Variants in CNTNAP2 observed in about 807,000 individuals in gnomAD.
CNTNAP2 encodes the protein contactin associated protein 2, also known as contactin-associated protein-like 2.
Under a neutral mutation model 155.2 loss-of-function variants are expected in CNTNAP2, and 98 were observed. That is an observed-to-expected ratio of 0.63 (90% CI 0.54 to 0.75). The LOEUF is 0.75. Ranked by LOEUF, CNTNAP2 falls within the 30% of genes least tolerant of loss-of-function variation. CNTNAP2 has a pLI of 0.00. For missense variants in CNTNAP2, 1,727 were observed against 1,688.1 expected (o/e 1.02, Z -0.40); for synonymous variants, 651 against 631.2 (o/e 1.03, Z -0.47).
chr7:147,555,654 C>T (rs1381377599), intron 11 of CNTNAP2, among the ~76,000 whole-genome samples: 1 of 152,176 alleles, frequency 6.6e-6, no homozygotes, highest in Non-Finnish European at 1.5e-5. Context: ...CAAAGATAAC[C>T]TTTATGTATG....
intron 1 of CNTNAP2, among the ~76,000 whole-genome samples, chr7:146,600,346 T>A (rs1798931149): frequency 2.0e-5 from 3 of 152,188 alleles, no homozygotes; most frequent in African/African-American, 7.2e-5. Context: ...ATCTTATTTT[T>A]GTTCTCATTA....
At chr7:147,252,905 G>T (rs932659971) in intron 8 of CNTNAP2, among the ~76,000 whole-genome samples, 1 of 152,172 alleles carries the variant, frequency 6.6e-6, no homozygotes. Flanking sequence ...CAACAGTGTG[G>T]TATGTGGTTT....
At chr7:146,171,063 A>C (rs1798382773) in intron 1 of CNTNAP2, among the ~76,000 whole-genome samples, 1 of 152,052 alleles carries the variant, frequency 6.6e-6, no homozygotes, top group Admixed American at 6.6e-5. Flanking sequence ...AGAGTTATTC[A>C]TATGTGTGGA....
Position 148,416,766 on chromosome 7 carries a change from C to T in CNTNAP2, c.*1150C>T, listed in dbSNP as rs1800003109. ...CAACTACTCCACGTGTTTTTCCATC[C>T]AATCACACTGCTGTGATTCAGGGAT... On this transcript the variant is annotated 3_prime_UTR_variant, in exon 24 of 24. Transcript: ENST00000361727. The T allele has an allele frequency of 6.6e-6, 1 of 150,838 alleles. No individual in the cohort carries two copies. Among genetic ancestry groups the T allele is most frequent in the Non-Finnish European group, 1.5e-5 (1 of 68,042 alleles). 9.3% of individuals were successfully genotyped at this position (150,838 alleles called of 1,614,324 possible).
chr7:146,369,521 C>T (rs1025968559), intron 1 of CNTNAP2, among the ~76,000 whole-genome samples: 4 of 152,074 alleles, frequency 2.6e-5, no homozygotes, highest in South Asian at 2.1e-4. Context: ...TAGGAATTTA[C>T]GTTTTCAGTT....
intron 3 of CNTNAP2, among the ~76,000 whole-genome samples, chr7:146,853,726 G>A (rs2129203612): frequency 6.6e-6 from 1 of 152,150 alleles, no homozygotes. Context: ...TTGATTATAG[G>A]TGAGTTGTCT....
At chr7:148,125,293 G>T (rs1439364851) in intron 16 of CNTNAP2, among the ~76,000 whole-genome samples, 1 of 151,932 alleles carries the variant, frequency 6.6e-6, no homozygotes, top group Non-Finnish European at 1.5e-5. Flanking sequence ...AGGGGTACAT[G>T]TGCAGGTTTG....
chr7:147,270,163 CA>C (rs1240747316), intron 8 of CNTNAP2, among the ~76,000 whole-genome samples: 1 of 152,114 alleles, frequency 6.6e-6, no homozygotes, highest in Non-Finnish European at 1.5e-5. Context: ...TCAATGAAAG[CA>C]AAAAGTCATG....
Position 146,554,559 on chromosome 7 carries a change from C to G in CNTNAP2, c.98-219712C>G, listed in dbSNP as rs143953506. ...TTTTCTGAAATCTCCTCTATTCTCTCTTAGTTTGTTGTGTTATATTGTACA... is the reference window on the plus strand; with the variant it reads ...TTTTCTGAAATCTCCTCTATTCTCTGTTAGTTTGTTGTGTTATATTGTACA... On this transcript the variant is annotated intron_variant, in intron 1 of 23. Coordinates refer to ENST00000361727, the MANE Select transcript of CNTNAP2 (RefSeq NM_014141.6). Among the ~76,000 whole-genome samples, 698 of 152,228 alleles carry G rather than the reference C, an allele frequency of 4.6e-3. 5 individuals are homozygous for G. The highest frequency in any genetic ancestry group is 0.016 in the African/African-American group (650 of 41,548).
intron 15 of CNTNAP2, among the ~76,000 whole-genome samples, chr7:148,028,889 A>G (rs1210599709): frequency 1.3e-5 from 2 of 152,184 alleles, no homozygotes; most frequent in South Asian, 4.1e-4. Context: ...TATTCCTGGA[A>G]CACAAGTCTT....
chr7:148,188,369 C>T (rs1227233786), intron 18 of CNTNAP2, among the ~76,000 whole-genome samples: 2 of 152,116 alleles, frequency 1.3e-5, no homozygotes, highest in African/African-American at 4.8e-5. Context: ...GAAGAAGGAG[C>T]ATTGAGTTTG....
chr7:146,207,248 G>T (rs1798960996), intron 1 of CNTNAP2, among the ~76,000 whole-genome samples: 1 of 151,930 alleles, frequency 6.6e-6, no homozygotes, highest in Non-Finnish European at 1.5e-5. Flanking sequence ...ACCACTAGTA[G>T]CATAGTAGAA....
At position 147,556,173 on chromosome 7, in the gene CNTNAP2, T is replaced by A. The variant is rs149679563; in HGVS notation, c.1778-5965T>A. Among the ~76,000 whole-genome samples, 518 of 152,296 alleles carry A rather than the reference T, an allele frequency of 3.4e-3. 3 individuals are homozygous for A. Among genetic ancestry groups the A allele is most frequent in the African/African-American group, 9.0e-3 (374 of 41,570 alleles). On this transcript the variant is annotated intron_variant, in intron 11 of 23. Coordinates refer to ENST00000361727, the MANE Select transcript of CNTNAP2 (RefSeq NM_014141.6). ...TTTAAAGTCAGTATGAAAATTTGAC[T>A]TCATTCTTCCGTCTTTCTTTATTAT...
rs1388037623 is a variant in CNTNAP2 at position 147,433,762 on chromosome 7, T to C, written c.1670+37982T>C. Among the ~76,000 whole-genome samples the C allele has an allele frequency of 3.3e-5, 5 of 152,190 alleles. No homozygotes were observed. In the South Asian group the frequency reaches 8.3e-4, roughly 25 times the overall value. On this transcript the variant is annotated intron_variant, in intron 10 of 23. Transcript: ENST00000361727. ...CTGTGGGTAGACAGAGCTATGTTAC[T>C]ACCTGGAACTCTGTGAATGTCTAAA...
intron 1 of CNTNAP2, among the ~76,000 whole-genome samples, chr7:146,477,946 A>G (rs974322430): frequency 4.6e-5 from 7 of 152,158 alleles, no homozygotes; most frequent in Non-Finnish European, 8.8e-5. Flanking sequence ...ACGGCCCCTC[A>G]TAACACAAAA....
At chr7:147,352,104 T>C (rs1349165368) in intron 9 of CNTNAP2, among the ~76,000 whole-genome samples, 1 of 151,998 alleles carries the variant, frequency 6.6e-6, no homozygotes, top group Non-Finnish European at 1.5e-5. Flanking sequence ...TTAATGTGTA[T>C]TTCATCCTCA....
intron 2 of CNTNAP2, among the ~76,000 whole-genome samples, chr7:146,822,689 ATATAT>A (rs1803312018): frequency 6.8e-6 from 1 of 147,298 alleles, no homozygotes; most frequent in Non-Finnish European, 1.5e-5. Flanking sequence ...AAGCATATTT[ATATAT>A]AAATATTCTT....
chr7:147,896,112 G>C (rs189650478), intron 13 of CNTNAP2, among the ~76,000 whole-genome samples: 1 of 152,326 alleles, frequency 6.6e-6, no homozygotes, highest in Admixed American at 6.5e-5. Context: ...GGGAGAAGAA[G>C]CTGGGAAACC....
intron 4 of CNTNAP2, among the ~76,000 whole-genome samples, chr7:147,099,647 G>A (rs1278589404): frequency 6.6e-6 from 1 of 152,134 alleles, no homozygotes; most frequent in African/African-American, 2.4e-5. Context: ...CACTGACAAT[G>A]ATATTTTAAA....
Sources: gnomAD v4.1 joint callset for allele counts (sites outside exome capture counted in the v4.1 genomes callset) on GRCh38, gnomAD v4.1.1 for gene constraint, MANE v1.5 for transcripts, NCBI Gene and HGNC (gene_info 2026-07-23, HGNC 2026-07-21) for gene names.